The following GPR139 variants were observed in gnomAD, a reference collection of about 807,000 sequenced individuals.
GPR139 encodes the protein probable G protein-coupled receptor 139.
In GPR139, 12 loss-of-function variants were observed where a neutral mutation model predicts 25.8. The ratio of observed to expected loss-of-function variants is 0.47; its 90% CI spans 0.30 to 0.75. The LOEUF is 0.75. Ranked by LOEUF, GPR139 falls within the 30% of genes least tolerant of loss-of-function variation. The probability of loss-of-function intolerance (pLI) is 0.07; values close to 1 mark genes in which losing one functional copy is unlikely to be tolerated. For synonymous variants in GPR139, 184 were observed against 179.9 expected (o/e 1.02, Z -0.18); for missense variants, 380 against 450.2 (o/e 0.84, Z 1.41).
intron 1 of GPR139, among the ~76,000 whole-genome samples, chr16:20,044,072 A>G (rs1025682949): frequency 6.6e-6 from 1 of 152,162 alleles, no homozygotes; most frequent in African/African-American, 2.4e-5. Flanking sequence ...GATTAGAGAG[A>G]ATTGTGCACA....
In GPR139 at chr16:20,029,614, G is replaced by A. The variant is rs2057280003; in HGVS notation, c.*2121C>T. ...TCAATTACACGTGCTTGGCAAAAAA[G>A]AGACAGAGAGAAATGCAATTTAAGG... On this transcript the variant is annotated 3_prime_UTR_variant, in exon 2 of 2. Coordinates refer to ENST00000570682, the MANE Select transcript of GPR139 (RefSeq NM_001002911.4). Among the ~76,000 whole-genome samples, 1 of 152,054 alleles carries A rather than the reference G, an allele frequency of 6.6e-6. No homozygotes were observed. The highest frequency in any genetic ancestry group is 1.5e-5 in the Non-Finnish European group (1 of 68,026).
In GPR139 at chr16:20,029,078, C is replaced by A. The variant is rs2057277727; in HGVS notation, c.*2657G>T. The stretch of plus-strand genomic sequence containing the variant: ...TTTTAAGAGATATGAATCAACCTAA[C>A]CCAATGGGCATTCATTTGCATTTTA... On this transcript the variant is annotated 3_prime_UTR_variant, in exon 2 of 2. Transcript: ENST00000570682. 6.6e-6 allele frequency among the ~76,000 whole-genome samples: 1 copy of A among 152,100 alleles called. No homozygotes were observed. The highest frequency in any genetic ancestry group is 1.5e-5 in the Non-Finnish European group (1 of 68,026).
rs1323427201 is a variant in GPR139, at chr16:20,029,996, A to G, written c.*1739T>C. Among the ~76,000 whole-genome samples the G allele has an allele frequency of 6.6e-6, 1 of 152,180 alleles. No homozygotes were observed. Among genetic ancestry groups the G allele is most frequent in the Non-Finnish European group, 1.5e-5 (1 of 68,034 alleles). ...GGCTCTGTAAGGTTTTATCTTTTGC[A>G]CTGACTTTAGAATCTAATCCTTGGC... On this transcript the variant is annotated 3_prime_UTR_variant, in exon 2 of 2. Coordinates refer to ENST00000570682, the MANE Select transcript of GPR139 (RefSeq NM_001002911.4).
Position 20,032,066 on chromosome 16 carries a change from C to G in GPR139, c.731G>C (p.Arg244Pro). The G allele has an allele frequency of 3.7e-6, 6 of 1,614,094 alleles. No individual in the cohort carries two copies. Among genetic ancestry groups the G allele is most frequent in the Non-Finnish European group, 5.1e-6 (6 of 1,180,020 alleles). ...TSIFATLWAP[R>P]IIMILYHLYG... ...GAGGTGGTAAAGAATCATGATGATG[C>G]GGGGGGCCCAAAGTGTGGCAAAGAT... Residue 244 changes from arginine (R) to proline (P), a missense_variant, in exon 2 of 2, where the codon CGC (arginine) becomes CCC (proline). Transcript: ENST00000570682.
chr16:20,054,441 T>C (rs72772748), intron 1 of GPR139, among the ~76,000 whole-genome samples: 11,811 of 152,152 alleles, frequency 0.078, 559 homozygotes, highest in Non-Finnish European at 0.11. Flanking sequence ...AATATAATTG[T>C]GTGCTTAGAA....
At chr16:20,035,361 A>G (rs2057306225) in intron 1 of GPR139, among the ~76,000 whole-genome samples, 1 of 152,310 alleles carries the variant, frequency 6.6e-6, no homozygotes, top group Middle Eastern at 3.4e-3. Flanking sequence ...ACTGCACACA[A>G]TGTAGAGAAA....
Position 20,060,601 on chromosome 16 carries a change from T to C in GPR139, c.127+12889A>G, listed in dbSNP as rs564022602. On this transcript the variant is annotated intron_variant, in intron 1 of 1. Transcript: ENST00000570682. Reference sequence around the variant, plus strand: ...GCAATTCCCCCAGCTCTACCCATGTTTGTCAAACAAGTGGAGAAAGAAAAG... The same window carrying C: ...GCAATTCCCCCAGCTCTACCCATGTCTGTCAAACAAGTGGAGAAAGAAAAG... 9.8e-5 allele frequency among the ~76,000 whole-genome samples: 15 copies of C among 152,320 alleles called. No homozygotes were observed. In the East Asian group the frequency reaches 2.9e-3, roughly 29 times the overall value.
intron 1 of GPR139, among the ~76,000 whole-genome samples, chr16:20,062,302 T>C (rs1409083706): frequency 1.3e-5 from 2 of 152,130 alleles, no homozygotes; most frequent in Non-Finnish European, 2.9e-5. Flanking sequence ...TGAATGGAAT[T>C]AGCGACTTTA....
rs770294037 is a variant in GPR139 at position 20,030,278 on chromosome 16, C to T, written c.*1457G>A. Among the ~76,000 whole-genome samples the T allele has an allele frequency of 2.0e-5, 3 of 151,906 alleles. No individual in the cohort carries two copies. The highest frequency in any genetic ancestry group is 2.1e-4 in the South Asian group (1 of 4,820). On this transcript the variant is annotated 3_prime_UTR_variant, in exon 2 of 2. Transcript: ENST00000570682. ...TAAATATTCCAGGTGGACTGTCTGC[C>T]GTTTTTTGGTCACCAAAAATGTCAT...
In GPR139 at chr16:20,073,191, G is replaced by A. The variant is rs116647009; in HGVS notation, c.127+299C>T. ...TGAAAGCCGCCCCCTCCAGATGCGCGCACAAATGCACCTTCGAATCCATGC... is the reference window on the plus strand; with the variant it reads ...TGAAAGCCGCCCCCTCCAGATGCGCACACAAATGCACCTTCGAATCCATGC... On this transcript the variant is annotated intron_variant, in intron 1 of 1. Coordinates refer to ENST00000570682, the MANE Select transcript of GPR139 (RefSeq NM_001002911.4). This position sits in a 1 kb window ranked among gnomAD's most constrained non-coding sequence, Gnocchi z 4.7. Among the ~76,000 whole-genome samples, 2 of 150,402 alleles carry A rather than the reference G, an allele frequency of 1.3e-5. No individual in the cohort carries two copies. The highest frequency in any genetic ancestry group is 1.3e-4 in the Admixed American group (2 of 15,110).
At chr16:20,034,709 G>A (rs188584161) in intron 1 of GPR139, among the ~76,000 whole-genome samples, 6 of 152,154 alleles carry the variant, frequency 3.9e-5, no homozygotes, top group African/African-American at 1.4e-4. Context: ...CCAGCCTTTT[G>A]CTTTCTTTTA....
intron 1 of GPR139, 119 bp from the exon 2 acceptor site, chr16:20,032,788 A>T: frequency 1.5e-6 from 1 of 678,484 alleles, no homozygotes; most frequent in Non-Finnish European, 2.5e-6. Context: ...GATTGAATCA[A>T]TGCTTTTGAG....
intron 1 of GPR139, among the ~76,000 whole-genome samples, chr16:20,054,352 A>G (rs766744674): frequency 6.6e-6 from 1 of 152,222 alleles, no homozygotes. Flanking sequence ...AGCCAAAGTC[A>G]TCAGGTGGGA....
chr16:20,043,282 C>T (rs1354792062), intron 1 of GPR139, among the ~76,000 whole-genome samples: 3 of 152,174 alleles, frequency 2.0e-5, no homozygotes, highest in South Asian at 2.1e-4. Flanking sequence ...ACCATAATAA[C>T]TGCCAGACCT....
chr16:20,064,083 G>C (rs2057423274), intron 1 of GPR139, among the ~76,000 whole-genome samples: 1 of 152,178 alleles, frequency 6.6e-6, no homozygotes, highest in Admixed American at 6.5e-5. Context: ...TCTATCATGA[G>C]AAAAGATTAA....
intron 1 of GPR139, among the ~76,000 whole-genome samples, chr16:20,044,194 G>A (rs1181296689): frequency 6.6e-6 from 1 of 152,168 alleles, no homozygotes; most frequent in African/African-American, 2.4e-5. Context: ...CCAGGCAAAG[G>A]CTCAATGAGA....
intron 1 of GPR139, among the ~76,000 whole-genome samples, chr16:20,060,261 T>C (rs1253879198): frequency 1.3e-5 from 2 of 151,774 alleles, no homozygotes; most frequent in South Asian, 2.1e-4. Flanking sequence ...TGTGTGCGTG[T>C]GTGTGTGTGG....
intron 1 of GPR139, among the ~76,000 whole-genome samples, chr16:20,042,090 T>C (rs2141204892): frequency 6.6e-6 from 1 of 152,324 alleles, no homozygotes; most frequent in South Asian, 2.1e-4. Context: ...ACCAACTGTG[T>C]GATGGTGAAC....
At chr16:20,034,024 A>T (rs2057301414) in intron 1 of GPR139, among the ~76,000 whole-genome samples, 1 of 152,122 alleles carries the variant, frequency 6.6e-6, no homozygotes. Context: ...GCATATTTAG[A>T]AAGTCATTAG....
Sources: allele counts gnomAD v4.1 joint callset (sites outside exome capture counted in the v4.1 genomes callset), GRCh38; gene constraint gnomAD v4.1.1; non-coding constraint Gnocchi (gnomAD v3.1); transcripts MANE v1.5; gene names NCBI Gene and HGNC (gene_info 2026-07-23, HGNC 2026-07-21).